The following FAT3 variants were observed in gnomAD, a reference collection of about 807,000 sequenced individuals.
The protein encoded by FAT3 is protocadherin Fat 3.
FAT3 carries 95 observed loss-of-function variants against 310.2 expected under a neutral mutation model. The ratio of observed to expected loss-of-function variants is 0.31; its 90% CI spans 0.26 to 0.36. The LOEUF (loss-of-function observed/expected upper bound fraction) is 0.36, where lower values mean the gene tolerates loss of function less well. Ranked by LOEUF, FAT3 falls within the 10% of genes least tolerant of loss-of-function variation. FAT3 has a pLI of 1.00. For missense variants in FAT3, 5,408 were observed against 5,715.6 expected, an observed-to-expected ratio of 0.95 and a Z score of 1.74; for synonymous variants, 2,314 against 2,192.9, an observed-to-expected ratio of 1.06 and a Z score of -1.54.
At chr11:92,605,564 GGAGA>G (rs1476292421) in intron 3 of FAT3, among the ~76,000 whole-genome samples, 5 of 152,118 alleles carry the variant, frequency 3.3e-5, no homozygotes, top group Admixed American at 6.5e-5. Flanking sequence ...AAAGAGTTAA[GGAGA>G]GAGAGGACTA....
intron 2 of FAT3, among the ~76,000 whole-genome samples, chr11:92,497,652 A>T (rs1170040831): frequency 6.6e-6 from 1 of 152,036 alleles, no homozygotes; most frequent in Non-Finnish European, 1.5e-5. Flanking sequence ...ATAATTATTG[A>T]GGTGACACAG....
At chr11:92,836,435 T>C in intron 15 of FAT3, 131 bp from the exon 16 acceptor site, 1 of 1,012,896 alleles carries the variant, frequency 9.9e-7, no homozygotes, top group Non-Finnish European at 1.4e-6. Flanking sequence ...GCGTGGTCAC[T>C]AACATTAGAG....
chr11:92,500,278 T>C (rs1591371764), intron 2 of FAT3, among the ~76,000 whole-genome samples: 1 of 152,102 alleles, frequency 6.6e-6, no homozygotes, highest in Non-Finnish European at 1.5e-5. Context: ...TATGTTATTA[T>C]GTAATTTAAT....
At chr11:92,760,909 T>C (rs1294161219) in intron 4 of FAT3, among the ~76,000 whole-genome samples, 1 of 152,224 alleles carries the variant, frequency 6.6e-6, no homozygotes, top group African/African-American at 2.4e-5. Context: ...AACAGCATCA[T>C]AGTGACATGG....
At chr11:92,481,838 T>G (rs997087222) in intron 2 of FAT3, among the ~76,000 whole-genome samples, 6 of 152,228 alleles carry the variant, frequency 3.9e-5, no homozygotes, top group Non-Finnish European at 7.3e-5. Context: ...TAAAAAGCAC[T>G]GCTATCTTAA....
At chr11:92,684,842 C>G (rs1292479070) in intron 3 of FAT3, among the ~76,000 whole-genome samples, 1 of 152,020 alleles carries the variant, frequency 6.6e-6, no homozygotes, top group Admixed American at 6.6e-5. Context: ...ATTTCTTTTT[C>G]TTTTCTGAAC....
intron 10 of FAT3, among the ~76,000 whole-genome samples, chr11:92,804,547 A>G (rs539492085): frequency 1.3e-5 from 2 of 152,082 alleles, no homozygotes; most frequent in South Asian, 4.2e-4. Context: ...ACTCTGATAC[A>G]TTTGGTCTAA....
intron 2 of FAT3, among the ~76,000 whole-genome samples, chr11:92,396,169 T>G (rs1052866429): frequency 2.0e-5 from 3 of 152,162 alleles, no homozygotes; most frequent in Admixed American, 6.6e-5. Flanking sequence ...CTGAAGGGAA[T>G]GGTGCACTTT....
Position 92,372,684 on chromosome 11 carries a change from G to A in FAT3, c.3292+17280G>A, listed in dbSNP as rs150756119. On this transcript the variant is annotated intron_variant, in intron 2 of 27. Transcript: ENST00000525166. ...AAACAATTTTTTTTTTTTCTGAGAC[G>A]GAATCTCACTCTGTCACCCAGGCTG... Among the ~76,000 whole-genome samples, 1,125 of 151,604 alleles carry A rather than the reference G, an allele frequency of 7.4e-3. 20 individuals carry two copies. The highest frequency in any genetic ancestry group is 0.025 in the African/African-American group (1,028 of 41,376).
intron 1 of FAT3, among the ~76,000 whole-genome samples, chr11:92,248,373 C>T (rs546674759): frequency 6.6e-6 from 1 of 152,236 alleles, no homozygotes. Context: ...GCATTACCCT[C>T]TGCATACTTT....
At chr11:92,784,196 A>G (rs1339431067) in intron 7 of FAT3, among the ~76,000 whole-genome samples, 2 of 152,226 alleles carry the variant, frequency 1.3e-5, no homozygotes, top group Admixed American at 6.5e-5. Context: ...ACCAGAAATA[A>G]TAAAGTCTAG....
chr11:92,539,109 A>G (rs1210079793), intron 3 of FAT3, among the ~76,000 whole-genome samples: 2 of 152,162 alleles, frequency 1.3e-5, no homozygotes, highest in Non-Finnish European at 1.5e-5. Flanking sequence ...GACTATGTAC[A>G]TACTAAATTG....
At chr11:92,292,825 G>A (rs1483962463) in intron 1 of FAT3, among the ~76,000 whole-genome samples, 2 of 152,116 alleles carry the variant, frequency 1.3e-5, no homozygotes, top group Non-Finnish European at 2.9e-5. Context: ...AGAGTGATGA[G>A]GATGGGACAT....
intron 2 of FAT3, chr11:92,366,622 G>A (rs1591178122): frequency 5.6e-6 from 3 of 532,288 alleles, no homozygotes; most frequent in East Asian, 1.1e-4. Context: ...ATAACCAGTT[G>A]ACAGGTTCAG....
intron 2 of FAT3, among the ~76,000 whole-genome samples, chr11:92,478,349 C>T (rs961998604): frequency 1.3e-5 from 2 of 152,124 alleles, no homozygotes; most frequent in African/African-American, 2.4e-5. Flanking sequence ...AAACTTCCTC[C>T]TGGACTTTGA....
intron 2 of FAT3, among the ~76,000 whole-genome samples, chr11:92,358,724 TGTTCAA>T (rs1565256146): frequency 6.6e-6 from 1 of 152,204 alleles, no homozygotes; most frequent in African/African-American, 2.4e-5. Context: ...GGCAATTGTA[TGTTCAA>T]TAAGAGAAGG....
rs535250212 is a variant in FAT3, at chr11:92,689,826, T to C, written c.3608-7558T>C. On this transcript the variant is annotated intron_variant, in intron 3 of 27. Coordinates refer to ENST00000525166, the MANE Select transcript of FAT3 (RefSeq NM_001367949.2). Reference sequence around the variant, plus strand: ...ATACAGAGGAGGAGGACTTTGGAAGTATTGTCTATCATACAAGATCATCTT... The same window carrying C: ...ATACAGAGGAGGAGGACTTTGGAAGCATTGTCTATCATACAAGATCATCTT... 3.3e-5 allele frequency among the ~76,000 whole-genome samples: 5 copies of C among 152,236 alleles called. No individual in the cohort carries two copies. In the East Asian group the frequency reaches 9.7e-4, roughly 29 times the overall value.
chr11:92,437,482 C>G (rs78778929), intron 2 of FAT3, among the ~76,000 whole-genome samples: 3,959 of 152,250 alleles, frequency 0.026, 184 homozygotes, highest in African/African-American at 0.09. Flanking sequence ...TTATCTCAAT[C>G]TAGTTTATAG....
chr11:92,791,266 G>A (rs1433940931), intron 8 of FAT3, among the ~76,000 whole-genome samples: 2 of 152,146 alleles, frequency 1.3e-5, no homozygotes, highest in African/African-American at 4.8e-5. Flanking sequence ...TCTAGGCACT[G>A]AAGATACAAA....
Sources: allele counts gnomAD v4.1 joint callset (sites outside exome capture counted in the v4.1 genomes callset), GRCh38; gene constraint gnomAD v4.1.1; transcripts MANE v1.5; gene names NCBI Gene and HGNC (gene_info 2026-07-23, HGNC 2026-07-21).